Variants in SPATA17 observed in about 807,000 individuals in gnomAD.
SPATA17 encodes the protein spermatogenesis-associated protein 17.
Under a neutral mutation model 62.2 loss-of-function variants are expected in SPATA17, and 53 were observed. The ratio of observed to expected loss-of-function variants is 0.85; its 90% confidence interval spans 0.68 to 1.07. SPATA17 has a LOEUF of 1.07. Among genes scored for constraint, SPATA17 ranks in the 50% least tolerant of loss-of-function variants. SPATA17 has a pLI of 0.00. For missense variants in SPATA17, 466 were observed against 425.5 expected (o/e 1.10, Z -0.84); for synonymous variants, 146 against 146.8 (o/e 0.99, Z 0.04).
intron 9 of SPATA17, among the ~76,000 whole-genome samples, chr1:217,846,646 T>A (rs1675536744): frequency 6.6e-6 from 1 of 152,098 alleles, no homozygotes; most frequent in Non-Finnish European, 1.5e-5. Context: ...AATGCTCTAG[T>A]AAACTATTTT....
At chr1:217,773,000 T>C (rs1673490676) in intron 6 of SPATA17, among the ~76,000 whole-genome samples, 1 of 151,932 alleles carries the variant, frequency 6.6e-6, no homozygotes, top group African/African-American at 2.4e-5. Flanking sequence ...GTATAGGATG[T>C]TGCATTTGGG....
intron 8 of SPATA17, among the ~76,000 whole-genome samples, chr1:217,789,227 G>A (rs1431583681): frequency 7.2e-5 from 11 of 152,198 alleles, no homozygotes; most frequent in Non-Finnish European, 5.9e-5. Flanking sequence ...TAGGTGAAAT[G>A]AGAGACATCC....
intron 5 of SPATA17, among the ~76,000 whole-genome samples, chr1:217,688,111 T>A (rs987321502): frequency 2.0e-5 from 3 of 152,112 alleles, no homozygotes; most frequent in Admixed American, 1.3e-4. Context: ...ATGCCTGTAG[T>A]CCCAACTACT....
At chr1:217,681,709 T>G (rs1236287341) in intron 4 of SPATA17, among the ~76,000 whole-genome samples, 1 of 152,154 alleles carries the variant, frequency 6.6e-6, no homozygotes, top group Non-Finnish European at 1.5e-5. Flanking sequence ...GTTTAATATC[T>G]TAAATTGTAA....
At chr1:217,738,976 A>G (rs1461805498) in intron 5 of SPATA17, among the ~76,000 whole-genome samples, 1 of 152,106 alleles carries the variant, frequency 6.6e-6, no homozygotes, top group Non-Finnish European at 1.5e-5. Flanking sequence ...AAACAAAACA[A>G]AAACAGAGTC....
chr1:217,784,484 GC>G (rs919757380), intron 8 of SPATA17, among the ~76,000 whole-genome samples: 1 of 152,068 alleles, frequency 6.6e-6, no homozygotes, highest in Non-Finnish European at 1.5e-5. Flanking sequence ...TGAAACTAGA[GC>G]TATATGAACT....
At chr1:217,819,255 A>G (rs1674802174) in intron 9 of SPATA17, among the ~76,000 whole-genome samples, 1 of 151,666 alleles carries the variant, frequency 6.6e-6, no homozygotes, top group Non-Finnish European at 1.5e-5. Context: ...CAGAGTTCCT[A>G]GGTCAAGTAC....
chr1:217,742,381 A>G (rs758088647), intron 6 of SPATA17, among the ~76,000 whole-genome samples: 4 of 152,208 alleles, frequency 2.6e-5, no homozygotes, highest in Non-Finnish European at 5.9e-5. Flanking sequence ...CCTCGCTTTC[A>G]AAACTCATTC....
At chr1:217,752,721 T>G (rs534527880) in intron 6 of SPATA17, among the ~76,000 whole-genome samples, 1 of 152,014 alleles carries the variant, frequency 6.6e-6, no homozygotes, top group Non-Finnish European at 1.5e-5. Context: ...GTTGGAAAAA[T>G]TTTTCACAGG....
intron 6 of SPATA17, among the ~76,000 whole-genome samples, chr1:217,767,483 G>T (rs1673327997): frequency 6.6e-6 from 1 of 151,828 alleles, no homozygotes; most frequent in Admixed American, 6.6e-5. Context: ...CTTCCCCTTA[G>T]GTTATTTTTA....
chr1:217,768,560 C>T (rs1673359453), intron 6 of SPATA17, among the ~76,000 whole-genome samples: 2 of 150,804 alleles, frequency 1.3e-5, no homozygotes, highest in Admixed American at 6.6e-5. Context: ...GGCGTGATCT[C>T]AGCTCACTGC....
At chr1:217,806,414 C>G (rs1235084144) in intron 9 of SPATA17, among the ~76,000 whole-genome samples, 2 of 152,172 alleles carry the variant, frequency 1.3e-5, no homozygotes, top group Non-Finnish European at 2.9e-5. Context: ...GTCCTGCTCC[C>G]TGGGCCTCTT....
chr1:217,772,472 T>G (rs1031746855), intron 6 of SPATA17, among the ~76,000 whole-genome samples: 1 of 152,154 alleles, frequency 6.6e-6, no homozygotes, highest in African/African-American at 2.4e-5. Context: ...AAAATTTGAG[T>G]TGGAGGTGAC....
intron 8 of SPATA17, among the ~76,000 whole-genome samples, chr1:217,795,215 T>TTGA (rs1419304195): frequency 6.6e-6 from 1 of 152,152 alleles, no homozygotes; most frequent in Non-Finnish European, 1.5e-5. Context: ...ATACTTTTAT[T>TTGA]TGATGTGACT....
intron 5 of SPATA17, among the ~76,000 whole-genome samples, chr1:217,697,258 G>A (rs1255201591): frequency 1.3e-5 from 2 of 152,196 alleles, no homozygotes; most frequent in African/African-American, 2.4e-5. Flanking sequence ...TGGGATTATA[G>A]GCGTGAGTCG....
chr1:217,796,667 T>C (rs945327598), intron 8 of SPATA17, among the ~76,000 whole-genome samples: 3 of 152,200 alleles, frequency 2.0e-5, no homozygotes, highest in African/African-American at 7.2e-5. Context: ...ATAGCTATGG[T>C]TTGTCCTCAA....
At chr1:217,849,680 G>C (rs966182265) in intron 9 of SPATA17, among the ~76,000 whole-genome samples, 2 of 151,990 alleles carry the variant, frequency 1.3e-5, no homozygotes, top group African/African-American at 4.8e-5. Context: ...CTTTGTGCCT[G>C]GTGCCTGCTG....
At chr1:217,769,968 T>A (rs1673397332) in intron 6 of SPATA17, among the ~76,000 whole-genome samples, 1 of 152,226 alleles carries the variant, frequency 6.6e-6, no homozygotes, top group South Asian at 2.1e-4. Flanking sequence ...ATTTGCTGAG[T>A]GGGATTTTTA....
intron 9 of SPATA17, among the ~76,000 whole-genome samples, chr1:217,838,643 AAAAAG>A (rs1675316668): frequency 2.6e-5 from 4 of 152,122 alleles, no homozygotes; most frequent in African/African-American, 9.6e-5. Context: ...GCCCAAAGAC[AAAAAG>A]AAATCACTTT....
Sources: gnomAD v4.1 joint callset for allele counts (sites outside exome capture counted in the v4.1 genomes callset) on GRCh38, gnomAD v4.1.1 for gene constraint, MANE v1.5 for transcripts, NCBI Gene and HGNC (gene_info 2026-07-23, HGNC 2026-07-21) for gene names.